Variants in SUPT16H observed in about 807,000 individuals in gnomAD.
SUPT16H encodes FACT complex subunit SPT16.
In SUPT16H, 24 loss-of-function variants were observed where a neutral mutation model predicts 136.2. That is an observed-to-expected ratio of 0.18 (90% CI 0.13 to 0.25). The LOEUF is 0.25. Among genes scored for constraint, SUPT16H ranks in the 10% least tolerant of loss-of-function variants. SUPT16H has a pLI of 1.00. For missense variants in SUPT16H, 623 were observed against 1,270.2 expected (o/e 0.49, Z 7.74); for synonymous variants, 415 against 428.2 (o/e 0.97, Z 0.38).
chr14:21,362,662 G>T, intron 14 of SUPT16H, 132 bp downstream of exon 14: 1 of 1,041,806 alleles, frequency 9.6e-7, no homozygotes, highest in Non-Finnish European at 1.4e-6. Flanking sequence ...AGACAAGAGG[G>T]ATGTCAGTAA....
chr14:21,376,001 G>C (rs1202951069), intron 1 of SUPT16H, among the ~76,000 whole-genome samples: 2 of 152,230 alleles, frequency 1.3e-5, no homozygotes, highest in Non-Finnish European at 2.9e-5. Context: ...AGCTTTAGCT[G>C]TCACAGTTAG....
At position 21,360,120 on chromosome 14, in the gene SUPT16H, C is replaced by G. The variant is rs556044287; in HGVS notation, c.2175+295G>C. The stretch of plus-strand genomic sequence containing the variant: ...TCGGCTCACTGCAACTTCCGCCTCC[C>G]AGGTTCAAGCAATTTTCCTGCCTCG... On this transcript the variant is annotated intron_variant, in intron 18 of 25. Transcript: ENST00000216297. Among the ~76,000 whole-genome samples, 159 of 152,136 alleles carry G rather than the reference C, an allele frequency of 1.0e-3. 2 individuals carry two copies. The highest frequency in any genetic ancestry group is 3.2e-3 in the Middle Eastern group (1 of 316).
chr14:21,361,104 G>A lies in SUPT16H; in HGVS notation c.1903C>T (p.Arg635Ter). ...IKEVQKRYKT[R>*]EAEEKEKEGI... ...TCCTTCTCTTTCTCTTCAGCTTCTCGAGTTTTATAACGTTTCTGTACTTCT... is the reference window on the plus strand; with the variant it reads ...TCCTTCTCTTTCTCTTCAGCTTCTCAAGTTTTATAACGTTTCTGTACTTCT... Residue 635 changes from arginine (R) to a stop codon, truncating the protein, a stop_gained, in exon 16 of 26, where the codon CGA becomes TGA. Transcript: ENST00000216297. LOFTEE classifies it high-confidence loss of function. 1 of 1,613,948 alleles carries A rather than the reference G, an allele frequency of 6.2e-7. No homozygotes were observed.
chr14:21,372,948 AT>A (rs1471042400), intron 2 of SUPT16H, among the ~76,000 whole-genome samples: 1 of 152,030 alleles, frequency 6.6e-6, no homozygotes, highest in Admixed American at 6.6e-5. Flanking sequence ...AGAAATTGAA[AT>A]TTTTTAAAGT....
At chr14:21,375,433 GT>G (rs1269716280) in intron 1 of SUPT16H, among the ~76,000 whole-genome samples, 1 of 152,076 alleles carries the variant, frequency 6.6e-6, no homozygotes, top group Non-Finnish European at 1.5e-5. Context: ...CTGCCATTTT[GT>G]AGCTGAGTTG....
At chr14:21,367,115 G>T (rs1886688694) in intron 7 of SUPT16H, among the ~76,000 whole-genome samples, 2 of 152,050 alleles carry the variant, frequency 1.3e-5, no homozygotes, top group African/African-American at 4.8e-5. Flanking sequence ...TAATTTTTTT[G>T]TATTTTTAGT....
intron 1 of SUPT16H, among the ~76,000 whole-genome samples, chr14:21,378,489 G>C (rs1256209364): frequency 6.6e-6 from 1 of 152,184 alleles, no homozygotes; most frequent in African/African-American, 2.4e-5. Context: ...AAGGATGGAT[G>C]TGTGATAAAG....
At chr14:21,359,746 A>T in intron 18 of SUPT16H, 137 bp from the exon 19 acceptor site, 6 of 977,898 alleles carry the variant, frequency 6.1e-6, no homozygotes, top group Non-Finnish European at 7.3e-6. Flanking sequence ...CATCATAAAT[A>T]ATGATGCTTG....
At chr14:21,365,242 C>T in intron 8 of SUPT16H, 99 bp from the exon 9 acceptor site, 1 of 1,176,184 alleles carries the variant, frequency 8.5e-7, no homozygotes, top group Non-Finnish European at 1.2e-6. Context: ...GACAGGCAAA[C>T]ATGTTTGAAA....
At chr14:21,368,244 A>C in intron 7 of SUPT16H, 25 bp downstream of exon 7, 3 of 1,596,426 alleles carry the variant, frequency 1.9e-6, no homozygotes, top group Non-Finnish European at 2.6e-6. Context: ...ACAACTTTCA[A>C]ACCTCCTTTT....
intron 23 of SUPT16H, 56 bp from the exon 24 acceptor site, chr14:21,353,888 A>T: frequency 6.5e-7 from 1 of 1,539,810 alleles, no homozygotes; most frequent in Non-Finnish European, 8.8e-7. Context: ...TATTAACTTA[A>T]TGAATTAATT....
At chr14:21,374,658 T>C (rs1272442128) in intron 1 of SUPT16H, among the ~76,000 whole-genome samples, 2 of 152,228 alleles carry the variant, frequency 1.3e-5, no homozygotes, top group Admixed American at 6.5e-5. Flanking sequence ...GTATCAACAC[T>C]TCATTCCCTT....
intron 2 of SUPT16H, among the ~76,000 whole-genome samples, chr14:21,372,917 G>C (rs1235073796): frequency 6.6e-6 from 1 of 152,128 alleles, no homozygotes; most frequent in East Asian, 1.9e-4. Context: ...CTGAGTACCA[G>C]AAACACAGCT....
intron 20 of SUPT16H, 26 bp from the exon 21 acceptor site, chr14:21,358,028 G>A: frequency 6.2e-7 from 1 of 1,602,188 alleles, no homozygotes. Flanking sequence ...TTTTAAGACT[G>A]AGCTCATCAC....
chr14:21,369,071 A>G (rs1362777772), intron 6 of SUPT16H, 133 bp downstream of exon 6: 3 of 976,276 alleles, frequency 3.1e-6, no homozygotes, highest in Non-Finnish European at 4.4e-6. Flanking sequence ...ACCCAAGATA[A>G]TGACTTGGTA....
chr14:21,384,003 G>C lies in SUPT16H; in HGVS notation c.-76C>G. ...GCTCAGCCACCCGCTCTCGGCCCAG[G>C]AATCCCGCACTCTCCCAATGACCCG... is the stretch of plus-strand genomic sequence containing the variant. On this transcript the variant is annotated 5_prime_UTR_variant, in exon 1 of 26. Coordinates refer to ENST00000216297, the MANE Select transcript of SUPT16H (RefSeq NM_007192.4). The C allele has an allele frequency of 1.9e-6, 3 of 1,560,822 alleles. No individual in the cohort carries two copies. The highest frequency in any genetic ancestry group is 2.6e-6 in the Non-Finnish European group (3 of 1,133,634).
rs748582466 is a variant in SUPT16H at position 21,383,929 on chromosome 14, G to GC, written c.-3dup. 3.1e-6 allele frequency: 5 copies of GC among 1,612,368 alleles called. No homozygotes were observed. The highest frequency in any genetic ancestry group is 2.2e-4 in the Middle Eastern group (1 of 4,556). The stretch of plus-strand genomic sequence containing the variant: ...GTCTTTGTCCAGAGTCACAGCCATA[G>GC]CCCCGGACGCCGCTTCTCCTCGGGT... On this transcript the variant is annotated 5_prime_UTR_variant, in exon 1 of 26. Coordinates refer to ENST00000216297, the MANE Select transcript of SUPT16H (RefSeq NM_007192.4).
chr14:21,381,680 G>A (rs1887028567), intron 1 of SUPT16H, among the ~76,000 whole-genome samples: 1 of 151,218 alleles, frequency 6.6e-6, no homozygotes, highest in Non-Finnish European at 1.5e-5. Context: ...TGCGATTACA[G>A]CTCACTGCAG....
In SUPT16H at chr14:21,357,241, G is replaced by A. The variant is rs139275142; in HGVS notation, c.2616C>T (p.Asn872=). ...GGTCAAGAGAGGCTACAGGAATGGC[G>A]TTGATCATGGTCACTTTCTTGCTGT... ...KDYSKKVTMI[N]AIPVASLDPI... The change falls in exon 22 of 26, where the codon AAC becomes AAT. Residue 872 remains asparagine (N), a synonymous_variant. Transcript: ENST00000216297. 112 of 1,612,044 alleles carry A rather than the reference G, an allele frequency of 6.9e-5. No homozygotes were observed. The highest frequency in any genetic ancestry group is 5.7e-4 in the African/African-American group (43 of 74,886).
Sources: allele counts gnomAD v4.1 joint callset (sites outside exome capture counted in the v4.1 genomes callset), GRCh38; gene constraint gnomAD v4.1.1; transcripts MANE v1.5; gene names NCBI Gene and HGNC (gene_info 2026-07-23, HGNC 2026-07-21).